Variants in MAP3K7CL observed in about 807,000 individuals in gnomAD.
MAP3K7CL encodes the protein MAP3K7 C-terminal-like protein.
MAP3K7CL carries 16 observed loss-of-function variants against 18.6 expected under a neutral mutation model. The ratio of observed to expected loss-of-function variants is 0.86; its 90% confidence interval spans 0.58 to 1.31. The LOEUF (loss-of-function observed/expected upper bound fraction) is 1.31. MAP3K7CL is among the 50% of genes most tolerant of loss of function. MAP3K7CL has a pLI of 0.00. For synonymous variants in MAP3K7CL, 65 were observed against 66.8 expected (o/e 0.97, Z 0.13); for missense variants, 163 against 174.4 (o/e 0.93, Z 0.37).
At chr21:29,151,680 A>T (rs763604658) in intron 3 of MAP3K7CL, among the ~76,000 whole-genome samples, 15 of 152,214 alleles carry the variant, frequency 9.9e-5, no homozygotes, top group Non-Finnish European at 1.9e-4. Context: ...TTGTTCTCTC[A>T]TCAAATTATG....
intron 3 of MAP3K7CL, among the ~76,000 whole-genome samples, chr21:29,153,584 GA>G (rs1338760353): frequency 6.6e-6 from 1 of 152,050 alleles, no homozygotes; most frequent in Non-Finnish European, 1.5e-5. Flanking sequence ...GAGTAGCTGG[GA>G]CCACAGGTGC....
rs1298894946 is a variant in MAP3K7CL at position 29,175,578 on chromosome 21, C to T, written c.*686C>T. On this transcript the variant is annotated 3_prime_UTR_variant, in exon 5 of 5. Transcript: ENST00000399928. The stretch of plus-strand genomic sequence containing the variant: ...GCTGCATTTGCTTCATGCCATGTGA[C>T]CTCACAGTAAACATCTCTGCCTTTG... 1 of 152,158 alleles carries T rather than the reference C, an allele frequency of 6.6e-6. No homozygotes were observed. The highest frequency in any genetic ancestry group is 1.9e-4 in the East Asian group (1 of 5,192). 9.4% of individuals were successfully genotyped at this position (152,158 alleles called of 1,614,324 possible). A position where few individuals can be genotyped will look rare whatever the true frequency, so the allele number is the denominator to read the frequency against.
intron 3 of MAP3K7CL, among the ~76,000 whole-genome samples, chr21:29,154,572 C>G (rs1285076836): frequency 1.3e-5 from 2 of 151,988 alleles, no homozygotes; most frequent in Admixed American, 6.6e-5. Flanking sequence ...AGTTGTGTAC[C>G]ATAATATCCT....
intron 4 of MAP3K7CL, among the ~76,000 whole-genome samples, chr21:29,101,438 C>G (rs1256436095): frequency 6.6e-6 from 1 of 152,186 alleles, no homozygotes; most frequent in Non-Finnish European, 1.5e-5. Context: ...GAGACGGAGT[C>G]TCGCTCTGTC....
intron 4 of MAP3K7CL, among the ~76,000 whole-genome samples, chr21:29,161,322 A>ATTT (rs200408747): frequency 6.7e-6 from 1 of 149,628 alleles, no homozygotes; most frequent in Non-Finnish European, 1.5e-5. Context: ...AAAAAAAACA[A>ATTT]TTTTTTTTTT....
intron 2 of MAP3K7CL, among the ~76,000 whole-genome samples, chr21:29,144,538 G>A (rs2087083517): frequency 6.6e-6 from 1 of 152,218 alleles, no homozygotes; most frequent in Non-Finnish European, 1.5e-5. Flanking sequence ...AAGTGAAGAA[G>A]AGCGGAGTGG....
chr21:29,109,063 A>T (rs536102340), intron 4 of MAP3K7CL: 23 of 1,535,000 alleles, frequency 1.5e-5, no homozygotes, highest in Admixed American at 7.8e-5. Context: ...ACCTTCCTGG[A>T]TCCTATCAGA....
chr21:29,112,153 C>T (rs2086430335), intron 4 of MAP3K7CL, among the ~76,000 whole-genome samples: 1 of 152,034 alleles, frequency 6.6e-6, no homozygotes, highest in South Asian at 2.1e-4. Flanking sequence ...AAAAAATTAG[C>T]CAGGTGTGGT....
chr21:29,113,217 C>A (rs532011829), intron 4 of MAP3K7CL, among the ~76,000 whole-genome samples: 12 of 152,262 alleles, frequency 7.9e-5, no homozygotes, highest in South Asian at 6.2e-4. Context: ...TCTCAAAATT[C>A]TTTTTCTTCA....
intron 3 of MAP3K7CL, among the ~76,000 whole-genome samples, chr21:29,091,937 G>C (rs1287762119): frequency 1.3e-5 from 2 of 152,104 alleles, no homozygotes; most frequent in Admixed American, 1.3e-4. Context: ...TTGTTTTAAA[G>C]ATGAAGAAAC....
intron 2 of MAP3K7CL, among the ~76,000 whole-genome samples, chr21:29,147,641 G>A (rs1185273294): frequency 1.3e-5 from 2 of 151,214 alleles, no homozygotes; most frequent in African/African-American, 4.9e-5. Flanking sequence ...TACCTGTACT[G>A]TATGTGTGTA....
intron 4 of MAP3K7CL, among the ~76,000 whole-genome samples, chr21:29,113,010 T>C (rs1018056457): frequency 6.6e-6 from 1 of 152,178 alleles, no homozygotes; most frequent in African/African-American, 2.4e-5. Flanking sequence ...GGTTTTGCCA[T>C]GTTGGCCAGG....
chr21:29,167,995 G>T (rs1478706878), intron 4 of MAP3K7CL, among the ~76,000 whole-genome samples: 1 of 151,852 alleles, frequency 6.6e-6, no homozygotes, highest in African/African-American at 2.4e-5. Flanking sequence ...ACCACGCCCG[G>T]CAGAGAAGGA....
upstream of MAP3K7CL, among the ~76,000 whole-genome samples, chr21:29,128,844 C>T (rs116700817): frequency 0.03 from 4,613 of 151,582 alleles, 249 homozygotes; most frequent in African/African-American, 0.11. Flanking sequence ...AAATTCACTT[C>T]GATAAATTAT....
intron 4 of MAP3K7CL, among the ~76,000 whole-genome samples, chr21:29,112,709 C>G (rs1306776914): frequency 1.3e-5 from 2 of 151,998 alleles, no homozygotes; most frequent in Non-Finnish European, 2.9e-5. Context: ...AACAAGATAC[C>G]AATTATTTCC....
chr21:29,124,328 C>T (rs989429021), intron 4 of MAP3K7CL, among the ~76,000 whole-genome samples: 20 of 137,388 alleles, frequency 1.5e-4, no homozygotes, highest in Non-Finnish European at 2.3e-4. Flanking sequence ...TGCTCTAGCC[C>T]GGGCAACAGA....
chr21:29,110,783 A>G (rs776546067), intron 4 of MAP3K7CL, among the ~76,000 whole-genome samples: 6 of 152,238 alleles, frequency 3.9e-5, no homozygotes, highest in Middle Eastern at 3.4e-3. Context: ...TTCTGCTTTC[A>G]TGTTCTTAAT....
intron 3 of MAP3K7CL, among the ~76,000 whole-genome samples, chr21:29,149,984 G>A (rs557791398): frequency 6.6e-6 from 1 of 152,312 alleles, no homozygotes; most frequent in African/African-American, 2.4e-5. Flanking sequence ...ATTTAGGCAA[G>A]TCCAATAGGG....
chr21:29,091,826 T>C (rs931546992), intron 3 of MAP3K7CL: 1 of 684,696 alleles, frequency 1.5e-6, no homozygotes, highest in Non-Finnish European at 2.7e-6. Context: ...ATCTGCTGAG[T>C]GCTTCCTATG....
Sources: allele counts gnomAD v4.1 joint callset (sites outside exome capture counted in the v4.1 genomes callset), GRCh38; gene constraint gnomAD v4.1.1; transcripts MANE v1.5; gene names NCBI Gene and HGNC (gene_info 2026-07-23, HGNC 2026-07-21).